Variants in PLD1 observed in about 807,000 individuals in gnomAD.
PLD1 encodes the protein choline phosphatase 1.
In PLD1, 112 loss-of-function variants were observed where a neutral mutation model predicts 137.1. That is an observed-to-expected ratio of 0.82 (90% CI 0.70 to 0.96). The LOEUF (loss-of-function observed/expected upper bound fraction) is 0.96, where lower values mean the gene tolerates loss of function less well. Among genes scored for constraint, PLD1 ranks in the 40% least tolerant of loss-of-function variants. The pLI is 0.00. For missense variants in PLD1, 1,321 were observed against 1,342.0 expected (o/e 0.98, Z 0.24); for synonymous variants, 431 against 454.7 (o/e 0.95, Z 0.66).
intron 1 of PLD1, among the ~76,000 whole-genome samples, chr3:171,755,166 C>CAA (rs1720932563): frequency 6.6e-6 from 1 of 152,132 alleles, no homozygotes; most frequent in Non-Finnish European, 1.5e-5. Flanking sequence ...AAACAGCACT[C>CAA]AACTACATAG....
intron 1 of PLD1, among the ~76,000 whole-genome samples, chr3:171,758,448 T>C (rs1721177644): frequency 6.6e-6 from 1 of 152,216 alleles, no homozygotes; most frequent in Non-Finnish European, 1.5e-5. Context: ...ACCATCTGTC[T>C]CTCTGGGACT....
intron 19 of PLD1, among the ~76,000 whole-genome samples, chr3:171,667,625 C>G (rs1712279989): frequency 6.6e-6 from 1 of 152,168 alleles, no homozygotes; most frequent in South Asian, 2.1e-4. Context: ...CAAAGGCAAA[C>G]AGGACATGAA....
At chr3:171,606,738 T>C (rs990644749) in intron 25 of PLD1, among the ~76,000 whole-genome samples, 1 of 152,238 alleles carries the variant, frequency 6.6e-6, no homozygotes, top group African/African-American at 2.4e-5. Flanking sequence ...GAGTTTCCTA[T>C]CACGTGAAAT....
intron 19 of PLD1, among the ~76,000 whole-genome samples, chr3:171,664,127 A>G (rs1711838363): frequency 6.6e-6 from 1 of 152,236 alleles, no homozygotes; most frequent in African/African-American, 2.4e-5. Context: ...TCAAAATTTA[A>G]TTGTCAACAT....
At chr3:171,638,704 G>T (rs183785404) in intron 23 of PLD1, among the ~76,000 whole-genome samples, 18 of 152,324 alleles carry the variant, frequency 1.2e-4, no homozygotes, top group Admixed American at 9.8e-4. Flanking sequence ...TTGGGAGTTT[G>T]TGTCTTTAAT....
At chr3:171,677,741 C>A (rs1397845917) in intron 16 of PLD1, 47 bp from the exon 17 acceptor site, 3 of 1,581,820 alleles carry the variant, frequency 1.9e-6, no homozygotes, top group South Asian at 1.2e-5. Flanking sequence ...TCAGGTGAGT[C>A]CCAGAAAGGG....
chr3:171,799,119 T>A lies in PLD1; in HGVS notation c.-32+11280A>T, dbSNP rs577982636. On this transcript the variant is annotated intron_variant, in intron 1 of 26. Transcript: ENST00000351298. Reference sequence around the variant, plus strand: ...ACTTCGGGAGGCCGAGGCAGGTGGATCACAAGGTCAGGAGTTCAAGACCAG... The same window carrying A: ...ACTTCGGGAGGCCGAGGCAGGTGGAACACAAGGTCAGGAGTTCAAGACCAG... 5.4e-4 allele frequency among the ~76,000 whole-genome samples: 82 copies of A among 152,114 alleles called. 1 individual carries two copies. In the South Asian group the frequency reaches 0.012, roughly 23 times the overall value.
chr3:171,640,859 T>G (rs1480308712), intron 23 of PLD1, among the ~76,000 whole-genome samples: 1 of 152,212 alleles, frequency 6.6e-6, no homozygotes, highest in East Asian at 1.9e-4. Flanking sequence ...TCTTAAGATT[T>G]TTAGTCAGCT....
rs538991609 is a variant in PLD1, at chr3:171,613,346, G to A, written c.2729-914C>T. ...CACTTCTAGTTGAGTTTTCTACCTTGTGGCACAAAAGATTCTAACTGTTAC... is the reference window on the plus strand; with the variant it reads ...CACTTCTAGTTGAGTTTTCTACCTTATGGCACAAAAGATTCTAACTGTTAC... On this transcript the variant is annotated intron_variant, in intron 24 of 26. Transcript: ENST00000351298. 3.2e-4 allele frequency among the ~76,000 whole-genome samples: 49 copies of A among 152,024 alleles called. No individual in the cohort carries two copies. In the South Asian group the frequency reaches 1.0e-2, roughly 31 times the overall value.
chr3:171,704,669 A>G (rs142047294), intron 11 of PLD1, among the ~76,000 whole-genome samples: 3,705 of 152,302 alleles, frequency 0.024, 66 homozygotes, highest in Non-Finnish European at 0.036. Flanking sequence ...AAAATTTTCA[A>G]AGTGAAAAAC....
intron 8 of PLD1, among the ~76,000 whole-genome samples, chr3:171,718,254 AAG>A (rs1717823359): frequency 1.3e-5 from 2 of 152,212 alleles, no homozygotes; most frequent in South Asian, 2.1e-4. Flanking sequence ...CTGAACCAGG[AAG>A]AGACTGAATC....
intron 1 of PLD1, among the ~76,000 whole-genome samples, chr3:171,741,390 T>C (rs4378993): frequency 0.85 from 128,920 of 152,252 alleles, 54,980 homozygotes; most frequent in African/African-American, 0.9. Context: ...GCTGCAAAAC[T>C]ATCTACGCTC....
chr3:171,683,635 C>A (rs775662439), intron 16 of PLD1, among the ~76,000 whole-genome samples: 28 of 152,206 alleles, frequency 1.8e-4, no homozygotes, highest in Non-Finnish European at 3.5e-4. Context: ...AAAATAGTAA[C>A]TCTTCTCCTA....
chr3:171,774,129 G>C (rs577070018), intron 1 of PLD1, among the ~76,000 whole-genome samples: 1 of 152,322 alleles, frequency 6.6e-6, no homozygotes, highest in East Asian at 1.9e-4. Context: ...GTTAGAGACA[G>C]AGCTGGGATT....
intron 17 of PLD1, among the ~76,000 whole-genome samples, chr3:171,677,088 G>A (rs1451271416): frequency 1.3e-5 from 2 of 152,200 alleles, no homozygotes; most frequent in Admixed American, 6.5e-5. Context: ...GGCAAGATGT[G>A]AGTTGGTACA....
At chr3:171,756,552 G>C (rs1721046036) in intron 1 of PLD1, among the ~76,000 whole-genome samples, 1 of 152,124 alleles carries the variant, frequency 6.6e-6, no homozygotes, top group Admixed American at 6.5e-5. Context: ...GAGGTTCGGG[G>C]GGAAGAAAGG....
At position 171,602,076 on chromosome 3, in the gene PLD1, C is replaced by T. The variant is rs1427201330; in HGVS notation, c.*1002G>A. ...ATACTTACTAACTTGGTAGGAGTTA[C>T]GATGCCTCTGATTCTCTTGAAAGAC... On this transcript the variant is annotated 3_prime_UTR_variant, in exon 27 of 27. Transcript: ENST00000351298. 5 of 152,302 alleles carry T rather than the reference C, an allele frequency of 3.3e-5. No homozygotes were observed. The highest frequency in any genetic ancestry group is 4.1e-4 in the South Asian group (2 of 4,828). 9.4% of individuals were successfully genotyped at this position (152,302 alleles called of 1,614,324 possible).
chr3:171,604,064 C>T (rs767406538), intron 26 of PLD1, among the ~76,000 whole-genome samples: 30 of 151,996 alleles, frequency 2.0e-4, no homozygotes, highest in African/African-American at 6.8e-4. Flanking sequence ...AGGGGTCAGG[C>T]GCATTGGGTC....
At chr3:171,665,683 A>C (rs1009804562) in intron 19 of PLD1, among the ~76,000 whole-genome samples, 4 of 151,544 alleles carry the variant, frequency 2.6e-5, no homozygotes, top group South Asian at 2.1e-4. Context: ...CTGGGCACCA[A>C]TAGTGAAACT....
Sources: allele counts gnomAD v4.1 joint callset (sites outside exome capture counted in the v4.1 genomes callset), GRCh38; gene constraint gnomAD v4.1.1; transcripts MANE v1.5; gene names NCBI Gene and HGNC (gene_info 2026-07-23, HGNC 2026-07-21).